KCNU1: variants seen among roughly 807,000 people sequenced by gnomAD.
KCNU1 encodes potassium calcium-activated channel subfamily U member 1.
In KCNU1, 93 loss-of-function variants were observed where a neutral mutation model predicts 126.8. That is an observed-to-expected ratio of 0.73 (90% CI 0.62 to 0.87). The LOEUF is 0.87. KCNU1 is among the 40% of genes least tolerant of loss of function. The pLI is 0.00. For missense variants in KCNU1, 1,330 were observed against 1,367.1 expected (o/e 0.97, Z 0.43); for synonymous variants, 523 against 494.2 (o/e 1.06, Z -0.77).
intron 16 of KCNU1, among the ~76,000 whole-genome samples, chr8:36,843,785 A>G (rs1343537468): frequency 6.6e-6 from 1 of 152,208 alleles, no homozygotes; most frequent in African/African-American, 2.4e-5. Flanking sequence ...TACGACTTGC[A>G]AAATGCTTGG....
intron 10 of KCNU1, among the ~76,000 whole-genome samples, chr8:36,825,197 A>G (rs996092181): frequency 9.2e-5 from 14 of 152,098 alleles, no homozygotes; most frequent in African/African-American, 3.4e-4. Flanking sequence ...AGATAGTGGT[A>G]CTTCTTGTGG....
chr8:36,879,076 C>T (rs1022088333), intron 19 of KCNU1, among the ~76,000 whole-genome samples: 3 of 147,236 alleles, frequency 2.0e-5, no homozygotes, highest in Non-Finnish European at 4.5e-5. Flanking sequence ...GAGTGGGCAC[C>T]GTAAAAGATT....
At chr8:36,852,826 T>C (rs1364226588) in intron 18 of KCNU1, among the ~76,000 whole-genome samples, 1 of 152,164 alleles carries the variant, frequency 6.6e-6, no homozygotes, top group African/African-American at 2.4e-5. Flanking sequence ...CAGCTAAACT[T>C]GCTACAATGT....
chr8:36,862,215 G>T (rs1274132064), intron 18 of KCNU1, among the ~76,000 whole-genome samples: 1 of 152,038 alleles, frequency 6.6e-6, no homozygotes, highest in African/African-American at 2.4e-5. Context: ...TAGATAGATA[G>T]AAAAAATATA....
rs1806973368 is a variant in KCNU1, at chr8:36,891,787, G to T, written c.2010-13921G>T. Among the ~76,000 whole-genome samples the T allele has an allele frequency of 2.6e-5, 4 of 151,846 alleles. No homozygotes were observed. The South Asian group carries it at 8.3e-4, about 32-fold the overall frequency. On this transcript the variant is annotated intron_variant, in intron 19 of 26. Transcript: ENST00000399881. The stretch of plus-strand genomic sequence containing the variant: ...AGAACTTTATATATGTTCTTCCACT[G>T]CCTTCTGGCTTTCATGGTTTCTGAT...
Position 36,829,109 on chromosome 8 carries a change from T to C in KCNU1, c.1107-4445T>C, listed in dbSNP as rs936690642. ...TGTTTTGCCTATTTATTTTTTTACT[T>C]AACTATTTTGTGTGATTTTTGTTAT... On this transcript the variant is annotated intron_variant, in intron 10 of 26. Transcript: ENST00000399881. 7.9e-5 allele frequency among the ~76,000 whole-genome samples: 12 copies of C among 152,218 alleles called. No homozygotes were observed. In the East Asian group the frequency reaches 2.3e-3, roughly 29 times the overall value.
At chr8:36,821,859 A>AT (rs1356981034) in intron 10 of KCNU1, among the ~76,000 whole-genome samples, 1 of 152,136 alleles carries the variant, frequency 6.6e-6, no homozygotes. Context: ...TTTGTGTTAG[A>AT]TATTTGACCA....
chr8:36,910,434 T>A (rs1044388162), intron 21 of KCNU1, among the ~76,000 whole-genome samples: 2 of 152,146 alleles, frequency 1.3e-5, no homozygotes, highest in Non-Finnish European at 2.9e-5. Context: ...GACTCCAACC[T>A]ACCGGAAGAC....
chr8:36,829,563 T>G (rs1804453087), intron 10 of KCNU1, among the ~76,000 whole-genome samples: 1 of 150,602 alleles, frequency 6.6e-6, no homozygotes, highest in African/African-American at 2.4e-5. Context: ...GCAAGTCTTT[T>G]TACCTTTTAT....
At chr8:36,836,216 A>G (rs1563285509) in intron 12 of KCNU1, 80 bp from the exon 13 acceptor site, 2 of 897,900 alleles carry the variant, frequency 2.2e-6, no homozygotes, top group East Asian at 2.4e-5. Context: ...CTACATATCA[A>G]TTTAACTCTG....
At position 36,922,616 on chromosome 8, in the gene KCNU1, C is replaced by G; in HGVS notation, c.2723C>G (p.Ser908Cys). The G allele has an allele frequency of 6.2e-7, 1 of 1,613,264 alleles. No individual in the cohort carries two copies. The stretch of plus-strand genomic sequence containing the variant: ...GTTTTTTCCGGCAGCTTCTTGGATT[C>G]TCTGCTGGCCACGGTAAGAAAAGCT... ...GTVFSGSFLDSLLATAFYNYH... is the reference protein window; with the variant it reads ...GTVFSGSFLDCLLATAFYNYH... The change falls in exon 24 of 27, where the codon TCT becomes TGT. Residue 908 changes from serine (S) to cysteine (C), a missense_variant. This residue lies in a region of KCNU1 where 1,054 missense variants were observed against 1,053.9 expected (regional missense o/e 1.00). Transcript: ENST00000399881.
chr8:36,825,212 A>T (rs1804274702), intron 10 of KCNU1, among the ~76,000 whole-genome samples: 1 of 152,080 alleles, frequency 6.6e-6, no homozygotes, highest in South Asian at 2.1e-4. Flanking sequence ...TTGTGGTTTT[A>T]ATTAACATTT....
chr8:36,854,956 T>G (rs1303891893), intron 18 of KCNU1, among the ~76,000 whole-genome samples: 1 of 152,144 alleles, frequency 6.6e-6, no homozygotes, highest in African/African-American at 2.4e-5. Context: ...GGACAATGAT[T>G]TTTGTTAAAC....
chr8:36,911,280 C>T (rs1197310423), intron 22 of KCNU1, among the ~76,000 whole-genome samples, 161 bp downstream of exon 22: 1 of 152,180 alleles, frequency 6.6e-6, no homozygotes, highest in Non-Finnish European at 1.5e-5. Flanking sequence ...AAATAGCCCA[C>T]AGTTCAGTGC....
At chr8:36,787,860 TTA>T (rs1554495994) in intron 2 of KCNU1, among the ~76,000 whole-genome samples, 1 of 147,870 alleles carries the variant, frequency 6.8e-6, no homozygotes, top group Non-Finnish European at 1.5e-5. Context: ...TATTGACTAA[TTA>T]TATATTTATA....
At chr8:36,901,378 A>T (rs2117489174) in intron 19 of KCNU1, among the ~76,000 whole-genome samples, 1 of 152,280 alleles carries the variant, frequency 6.6e-6, no homozygotes, top group East Asian at 1.9e-4. Context: ...GGATTTATAC[A>T]GGATAAGTTG....
chr8:36,864,812 T>G (rs753469873), intron 19 of KCNU1, among the ~76,000 whole-genome samples: 28 of 152,172 alleles, frequency 1.8e-4, no homozygotes, highest in Non-Finnish European at 7.4e-5. Context: ...TAGAGCCAAA[T>G]TTTAGCAGCT....
chr8:36,917,299 T>C lies in KCNU1; in HGVS notation c.2522-1524T>C, dbSNP rs7004354. Among the ~76,000 whole-genome samples the C allele has an allele frequency of 4.9e-3, 747 of 152,120 alleles. 6 individuals carry two copies. The highest frequency in any genetic ancestry group is 0.017 in the African/African-American group (726 of 41,508). On this transcript the variant is annotated intron_variant, in intron 22 of 26. Transcript: ENST00000399881. Reference sequence around the variant, plus strand: ...CACAACTTACAATGCCATTATGGTGTGTTTTTCTTTTTCTTTTTCATGGCA... The same window carrying C: ...CACAACTTACAATGCCATTATGGTGCGTTTTTCTTTTTCTTTTTCATGGCA...
intron 19 of KCNU1, among the ~76,000 whole-genome samples, chr8:36,878,980 A>C (rs959074378): frequency 6.1e-5 from 9 of 147,834 alleles, no homozygotes; most frequent in Non-Finnish European, 1.2e-4. Context: ...CTTTCCTCTC[A>C]GGTGAAATTT....
Sources: allele counts gnomAD v4.1 joint callset (sites outside exome capture counted in the v4.1 genomes callset), GRCh38; gene constraint gnomAD v4.1.1; regional missense constraint gnomAD v4.1.1; transcripts MANE v1.5; gene names NCBI Gene and HGNC (gene_info 2026-07-23, HGNC 2026-07-21).